Variants in MAGI1 observed in about 807,000 individuals in gnomAD.
The protein encoded by MAGI1 is membrane associated guanylate kinase, WW and PDZ domain containing 1.
In MAGI1, 58 loss-of-function variants were observed where a neutral mutation model predicts 139.9. That is an observed-to-expected ratio of 0.41 (90% CI 0.34 to 0.52). The LOEUF (loss-of-function observed/expected upper bound fraction) is 0.52. Among genes scored for constraint, MAGI1 ranks in the 20% least tolerant of loss-of-function variants. The probability of loss-of-function intolerance (pLI) is 0.12; values close to 1 mark genes in which losing one functional copy is unlikely to be tolerated. For synonymous variants in MAGI1, 812 were observed against 737.9 expected, an observed-to-expected ratio of 1.10 and a Z score of -1.63; for missense variants, 1,874 against 1,901.6, an observed-to-expected ratio of 0.99 and a Z score of 0.27.
chr3:65,775,942 T>TAA lies in MAGI1; in HGVS notation c.314-153856_314-153855dup, dbSNP rs11371013. ...CAGTCACAGAGTGAGACCCTGTCTT[T>TAA]AAAAAAAAAAAAAAAAGTTTCTAAT... is the stretch of plus-strand genomic sequence containing the variant. On this transcript the variant is annotated intron_variant, in intron 1 of 22. Coordinates refer to ENST00000402939, the MANE Select transcript of MAGI1 (RefSeq NM_001033057.2). Among the ~76,000 whole-genome samples the TAA allele has an allele frequency of 3.1e-3, 448 of 143,940 alleles. 1 individual carries two copies. Among genetic ancestry groups the TAA allele is most frequent in the East Asian group, 9.4e-3 (46 of 4,892 alleles). The allele number at this position is 143,940 out of a possible 152,430, so 94.4% of individuals were successfully genotyped here.
In MAGI1 at chr3:65,356,680, T is replaced by A; in HGVS notation, c.4087A>T (p.Arg1363Ter). The A allele has an allele frequency of 6.3e-7, 1 of 1,589,628 alleles. No individual in the cohort carries two copies. Among genetic ancestry groups the A allele is most frequent in the Non-Finnish European group, 8.6e-7 (1 of 1,168,810 alleles). ...CTCCGCCGGCTGGGGGAGCCGTCTC[T>A]CCTGCGGGTGGGTGACCGCTCTCGC... ...RRRERSPTRR[R>*]DGSPSRRRRS... is the part of the protein sequence containing the mutation. Residue 1363 changes from arginine to a stop codon, truncating the protein, a stop_gained, in exon 23 of 23, where the codon AGA becomes TGA. Coordinates refer to ENST00000402939, the MANE Select transcript of MAGI1 (RefSeq NM_001033057.2). LOFTEE classifies it low-confidence loss of function (END_TRUNC).
intron 1 of MAGI1, among the ~76,000 whole-genome samples, chr3:66,034,928 T>C (rs2107611527): frequency 6.6e-6 from 1 of 152,292 alleles, no homozygotes; most frequent in Non-Finnish European, 1.5e-5. Context: ...GACAGGAACA[T>C]GAGAAAAATT....
intron 5 of MAGI1, 78 bp downstream of exon 5, chr3:65,470,205 A>T (rs776269038): frequency 1.5e-5 from 14 of 962,426 alleles, no homozygotes; most frequent in Non-Finnish European, 2.0e-5. Context: ...TGTAATTTAC[A>T]TTGGCAACTG....
chr3:65,388,069 C>T (rs1943593000), intron 14 of MAGI1, among the ~76,000 whole-genome samples: 1 of 152,134 alleles, frequency 6.6e-6, no homozygotes, highest in South Asian at 2.1e-4. Flanking sequence ...TCTAGAGAAA[C>T]CATAAAACAG....
At chr3:65,532,978 T>C (rs1253489816) in intron 2 of MAGI1, 2 of 152,224 alleles carry the variant, frequency 1.3e-5, no homozygotes, top group South Asian at 2.1e-4. Context: ...GCTTTCTTGT[T>C]TGCAGCATGT....
chr3:65,894,889 C>G (rs1460161767), intron 1 of MAGI1, among the ~76,000 whole-genome samples: 1 of 152,198 alleles, frequency 6.6e-6, no homozygotes, highest in Non-Finnish European at 1.5e-5. Context: ...CTTGCCTCAT[C>G]CAGATTCACT....
intron 12 of MAGI1, among the ~76,000 whole-genome samples, chr3:65,425,442 T>C (rs920506426): frequency 1.3e-5 from 2 of 152,154 alleles, no homozygotes; most frequent in South Asian, 2.1e-4. Context: ...CTTTCCTCTA[T>C]ACAACAATAA....
At chr3:65,789,798 A>G (rs2039639476) in intron 1 of MAGI1, among the ~76,000 whole-genome samples, 1 of 152,036 alleles carries the variant, frequency 6.6e-6, no homozygotes, top group East Asian at 1.9e-4. Context: ...AACAAAACAA[A>G]AACAGAAACA....
At chr3:65,785,980 A>G (rs1482097559) in intron 1 of MAGI1, among the ~76,000 whole-genome samples, 2 of 149,942 alleles carry the variant, frequency 1.3e-5, no homozygotes, top group Non-Finnish European at 3.0e-5. Context: ...TCTGTCACTC[A>G]GGCTGGAGTG....
intron 1 of MAGI1, among the ~76,000 whole-genome samples, chr3:65,696,361 T>A (rs1559796251): frequency 6.6e-6 from 1 of 152,132 alleles, no homozygotes; most frequent in Non-Finnish European, 1.5e-5. Flanking sequence ...TCATTCACCC[T>A]TTGTAGCCTC....
At chr3:65,653,598 T>C (rs1483124674) in intron 1 of MAGI1, among the ~76,000 whole-genome samples, 2 of 152,180 alleles carry the variant, frequency 1.3e-5, no homozygotes, top group African/African-American at 4.8e-5. Context: ...ATAGCACAAA[T>C]TGCATTTAAC....
At chr3:65,891,467 G>A (rs1367533549) in intron 1 of MAGI1, among the ~76,000 whole-genome samples, 1 of 152,028 alleles carries the variant, frequency 6.6e-6, no homozygotes, top group Non-Finnish European at 1.5e-5. Flanking sequence ...GGGAAGAGAA[G>A]CCTGGGCTGC....
chr3:65,622,795 G>T (rs1291174825), intron 1 of MAGI1, among the ~76,000 whole-genome samples: 1 of 151,940 alleles, frequency 6.6e-6, no homozygotes. Flanking sequence ...TCAAACTCCC[G>T]GCCTCAAGTG....
At chr3:65,585,389 C>T (rs1208648678) in intron 2 of MAGI1, among the ~76,000 whole-genome samples, 1 of 152,128 alleles carries the variant, frequency 6.6e-6, no homozygotes, top group Admixed American at 6.6e-5. Context: ...AGAAAATATA[C>T]AGATGGCAAA....
intron 1 of MAGI1, among the ~76,000 whole-genome samples, chr3:65,772,803 T>G (rs1559867929): frequency 6.6e-6 from 1 of 152,226 alleles, no homozygotes; most frequent in Non-Finnish European, 1.5e-5. Flanking sequence ...AGTTCCTGAT[T>G]ACTGCACAGG....
chr3:65,369,904 C>T (rs1941817776), intron 18 of MAGI1, among the ~76,000 whole-genome samples: 1 of 152,126 alleles, frequency 6.6e-6, no homozygotes, highest in African/African-American at 2.4e-5. Context: ...TTTTGGGCCA[C>T]TTGATGAAGT....
At chr3:65,887,463 T>C (rs2060580765) in intron 1 of MAGI1, among the ~76,000 whole-genome samples, 1 of 151,122 alleles carries the variant, frequency 6.6e-6, no homozygotes, top group South Asian at 2.1e-4. Context: ...CACAGCCTTC[T>C]GAATTCTGGG....
chr3:65,783,198 A>C (rs2039078225), intron 1 of MAGI1, among the ~76,000 whole-genome samples: 1 of 152,176 alleles, frequency 6.6e-6, no homozygotes, highest in Non-Finnish European at 1.5e-5. Flanking sequence ...ACAAAAAGAA[A>C]GAATAGGACA....
chr3:65,498,872 T>G (rs2076975250), intron 2 of MAGI1: 1 of 296,358 alleles, frequency 3.4e-6, no homozygotes, highest in Non-Finnish European at 5.0e-6. Context: ...TAAGTTTGAA[T>G]AGCCACATGT....
Sources: allele counts gnomAD v4.1 joint callset (sites outside exome capture counted in the v4.1 genomes callset), GRCh38; gene constraint gnomAD v4.1.1; transcripts MANE v1.5; gene names NCBI Gene and HGNC (gene_info 2026-07-23, HGNC 2026-07-21).